Variants in CASZ1 observed in about 807,000 individuals in gnomAD.
The protein encoded by CASZ1 is castor zinc finger 1.
A neutral mutation model predicts 135.2 loss-of-function variants in CASZ1; 28 were observed. The observed-to-expected ratio is 0.21, with a 90% CI of 0.15 to 0.28. The LOEUF is 0.28. Among genes scored for constraint, CASZ1 ranks in the 10% least tolerant of loss-of-function variants. CASZ1 has a pLI of 1.00. For missense variants in CASZ1, 2,161 were observed against 2,453.3 expected, an observed-to-expected ratio of 0.88 and a Z score of 2.52; for synonymous variants, 1,068 against 1,073.4, an observed-to-expected ratio of 0.99 and a Z score of 0.10.
intron 20 of CASZ1, 85 bp downstream of exon 20, chr1:10,642,774 G>C: frequency 2.0e-6 from 3 of 1,491,386 alleles, no homozygotes; most frequent in Non-Finnish European, 2.7e-6. Flanking sequence ...GCGTGCCCCG[G>C]ACCTTCTGTC....
At chr1:10,775,828 CTG>C (rs1321949835) in intron 1 of CASZ1, among the ~76,000 whole-genome samples, 2 of 152,180 alleles carry the variant, frequency 1.3e-5, no homozygotes, top group African/African-American at 4.8e-5. Context: ...TCTGCCAGCT[CTG>C]TGTGTGACAT....
chr1:10,760,782 G>A lies in CASZ1; in HGVS notation c.-158C>T, dbSNP rs1640357092. On this transcript the variant is annotated 5_prime_UTR_variant, in exon 2 of 21. Coordinates refer to ENST00000377022, the MANE Select transcript of CASZ1 (RefSeq NM_001079843.3). ...GTTGCAGGAGCCCCTTGTAAAGGAGGGGTCGATGGCCGTGGCAGCTGGGAG... is the reference window on the plus strand; with the variant it reads ...GTTGCAGGAGCCCCTTGTAAAGGAGAGGTCGATGGCCGTGGCAGCTGGGAG... 1.3e-5 allele frequency: 2 copies of A among 152,282 alleles called. No homozygotes were observed. Among genetic ancestry groups the A allele is most frequent in the African/African-American group, 4.8e-5 (2 of 41,456 alleles). The allele number at this position is 152,282 out of a possible 1,614,324, so 9.4% of individuals were successfully genotyped here.
chr1:10,659,830 G>A lies in CASZ1; in HGVS notation c.1212C>T (p.Pro404=). 1 of 1,613,146 alleles carries A rather than the reference G, an allele frequency of 6.2e-7. No homozygotes were observed. The highest frequency in any genetic ancestry group is 8.5e-7 in the Non-Finnish European group (1 of 1,179,572). The change falls in exon 6 of 21, where the codon CCC becomes CCT. Residue 404 remains proline, a synonymous_variant. Coordinates refer to ENST00000377022, the MANE Select transcript of CASZ1 (RefSeq NM_001079843.3). ...SLAPAPLASV[P]SAPSAPGPGP... ...CTGGCCCGGGGGCGCTGGGGGCACT[G>A]GGCACGCTGGCGAGGGGTGCGGGAG...
At chr1:10,641,198 G>A (rs1449851371) in intron 20 of CASZ1, among the ~76,000 whole-genome samples, 2 of 152,264 alleles carry the variant, frequency 1.3e-5, no homozygotes, top group East Asian at 3.8e-4. Flanking sequence ...CGGTGTAGGG[G>A]CACCCAGGCA....
intron 2 of CASZ1, among the ~76,000 whole-genome samples, chr1:10,723,819 C>A (rs1474127116): frequency 6.6e-6 from 1 of 152,228 alleles, no homozygotes; most frequent in Non-Finnish European, 1.5e-5. Flanking sequence ...ACTCCCCCTG[C>A]AACCTGGCTG....
At chr1:10,655,554 A>G (rs1642758053) in intron 9 of CASZ1, 95 bp downstream of exon 9, 1 of 1,228,726 alleles carries the variant, frequency 8.1e-7, no homozygotes, top group Non-Finnish European at 1.1e-6. Flanking sequence ...GTCCCTGCCC[A>G]TGGGGCAGCC....
At chr1:10,650,791 G>C (rs575203057) in intron 12 of CASZ1, 36 bp from the exon 13 acceptor site, 1 of 1,594,702 alleles carries the variant, frequency 6.3e-7, no homozygotes, top group Non-Finnish European at 8.5e-7. Context: ...GAGCTCAGAC[G>C]GCCGGGGCCT....
intron 1 of CASZ1, among the ~76,000 whole-genome samples, chr1:10,792,951 C>T (rs1232111216): frequency 6.6e-6 from 1 of 152,022 alleles, no homozygotes; most frequent in Non-Finnish European, 1.5e-5. Flanking sequence ...AACAGATGGT[C>T]AGGATCTAAA....
At chr1:10,736,056 G>A (rs1639791405) in intron 2 of CASZ1, among the ~76,000 whole-genome samples, 1 of 152,152 alleles carries the variant, frequency 6.6e-6, no homozygotes, top group Admixed American at 6.5e-5. Flanking sequence ...ACCACCCCAA[G>A]TCATGAACGA....
At chr1:10,663,172 C>T (rs776295004) in intron 5 of CASZ1, among the ~76,000 whole-genome samples, 10 of 152,208 alleles carry the variant, frequency 6.6e-5, no homozygotes, top group African/African-American at 1.2e-4. Context: ...CAAGGGAAGG[C>T]GTGGCTGGGG....
rs1639032555 is a variant in CASZ1, at chr1:10,700,165, G to GC, written c.-24+5326dup. On this transcript the variant is annotated intron_variant, in intron 3 of 20. Coordinates refer to ENST00000377022, the MANE Select transcript of CASZ1 (RefSeq NM_001079843.3). The surrounding 1 kb of genome is among the most constrained non-coding windows in gnomAD (Gnocchi z 4.2). ...CTAGTTGGGTTGCCCTGTGGGCCTG[G>GC]CCCAGCCTGTGGCCCCAGCCCGGGC... is the stretch of plus-strand genomic sequence containing the variant. Among the ~76,000 whole-genome samples, 2 of 151,842 alleles carry GC rather than the reference G, an allele frequency of 1.3e-5. No individual in the cohort carries two copies. The highest frequency in any genetic ancestry group is 4.2e-4 in the South Asian group (2 of 4,810).
chr1:10,681,193 G>A (rs1206979697), intron 4 of CASZ1, among the ~76,000 whole-genome samples: 1 of 150,236 alleles, frequency 6.7e-6, no homozygotes, highest in Non-Finnish European at 1.5e-5. Flanking sequence ...GAGCCACCGT[G>A]CCTGACCTTT....
At chr1:10,751,449 G>C (rs1640149732) in intron 2 of CASZ1, among the ~76,000 whole-genome samples, 1 of 152,166 alleles carries the variant, frequency 6.6e-6, no homozygotes, top group Admixed American at 6.5e-5. Flanking sequence ...GGGCAGCAAG[G>C]GTTAACACCA....
In CASZ1 at chr1:10,747,460, C is replaced by T. The variant is rs536972812; in HGVS notation, c.-77+13241G>A. On this transcript the variant is annotated intron_variant, in intron 2 of 20. Coordinates refer to ENST00000377022, the MANE Select transcript of CASZ1 (RefSeq NM_001079843.3). This position sits in a 1 kb window ranked among gnomAD's most constrained non-coding sequence, Gnocchi z 4.3. ...GTCCCAGCGGCAGATGAAAGGCGTTCCACCCAGATGTCAGGGAAGAACCCT... is the reference window on the plus strand; with the variant it reads ...GTCCCAGCGGCAGATGAAAGGCGTTTCACCCAGATGTCAGGGAAGAACCCT... Among the ~76,000 whole-genome samples the T allele has an allele frequency of 2.0e-5, 3 of 152,302 alleles. No homozygotes were observed. The highest frequency in any genetic ancestry group is 7.2e-5 in the African/African-American group (3 of 41,556).
Position 10,794,052 on chromosome 1 carries a change from C to A in CASZ1, c.-234+2512G>T. Among the ~76,000 whole-genome samples the A allele has an allele frequency of 6.6e-6, 1 of 152,166 alleles. No individual in the cohort carries two copies. ...CACGTGGAGCGCAGCCCCGGCTCAG[C>A]CCCCGGGGAACAACTACCCCCCTCC... On this transcript the variant is annotated intron_variant, in intron 1 of 20. Transcript: ENST00000377022. The surrounding 1 kb of genome is among the most constrained non-coding windows in gnomAD (Gnocchi z 5.6).
intron 3 of CASZ1, among the ~76,000 whole-genome samples, chr1:10,702,776 C>T (rs1312263198): frequency 2.0e-5 from 3 of 152,090 alleles, no homozygotes; most frequent in Non-Finnish European, 2.9e-5. Flanking sequence ...TCAATGGGGC[C>T]GATGGGAGAA....
chr1:10,639,750 T>C lies in CASZ1; in HGVS notation c.4472A>G (p.Asp1491Gly). ...HDRVDNLVLDDFKRFKASLSC... is the reference protein window; with the variant it reads ...HDRVDNLVLDGFKRFKASLSC... ...GAGTGAGGCCTTGAAGCGCTTGAAGTCGTCCAGCACCAGGTTGTCCACGCG... is the reference window on the plus strand; with the variant it reads ...GAGTGAGGCCTTGAAGCGCTTGAAGCCGTCCAGCACCAGGTTGTCCACGCG... The change falls in exon 21 of 21, where the codon GAC becomes GGC. Residue 1491 changes from aspartate (D) to glycine (G), a missense_variant. Around this residue, in one of 7 missense-constraint regions of CASZ1, gnomAD observed 240 missense variants for 321.4 expected, o/e 0.75. Transcript: ENST00000377022. This position sits in a 1 kb window ranked among gnomAD's most constrained non-coding sequence, Gnocchi z 4.0. 1 of 1,595,488 alleles carries C rather than the reference T, an allele frequency of 6.3e-7. No homozygotes were observed. The highest frequency in any genetic ancestry group is 8.5e-7 in the Non-Finnish European group (1 of 1,171,692).
chr1:10,726,680 T>C lies in CASZ1; in HGVS notation c.-76-21136A>G, dbSNP rs1639604124. Among the ~76,000 whole-genome samples, 1 of 152,202 alleles carries C rather than the reference T, an allele frequency of 6.6e-6. No individual in the cohort carries two copies. Among genetic ancestry groups the C allele is most frequent in the African/African-American group, 2.4e-5 (1 of 41,458 alleles). The stretch of plus-strand genomic sequence containing the variant: ...TCACTACACCAGCAGATCGTTAGCA[T>C]TCCTTTCCTGCAGGAGCTGCCCAGG... On this transcript the variant is annotated intron_variant, in intron 2 of 20. Transcript: ENST00000377022. The surrounding 1 kb of genome is among the most constrained non-coding windows in gnomAD (Gnocchi z 5.7).
chr1:10,681,676 C>T (rs1399188068), intron 4 of CASZ1, among the ~76,000 whole-genome samples: 1 of 152,232 alleles, frequency 6.6e-6, no homozygotes, highest in Non-Finnish European at 1.5e-5. Flanking sequence ...AGTGTCTGGC[C>T]CAACAAATAT....
Sources: allele counts gnomAD v4.1 joint callset (sites outside exome capture counted in the v4.1 genomes callset), GRCh38; gene constraint gnomAD v4.1.1; regional missense constraint gnomAD v4.1.1; non-coding constraint Gnocchi (gnomAD v3.1); transcripts MANE v1.5; gene names NCBI Gene and HGNC (gene_info 2026-07-23, HGNC 2026-07-21).